The following PDE10A variants were observed in gnomAD, a reference collection of about 807,000 sequenced individuals.
The protein encoded by PDE10A is phosphodiesterase 10A.
PDE10A carries 39 observed loss-of-function variants against 97.7 expected under a neutral mutation model. That is an observed-to-expected ratio of 0.40 (90% CI 0.31 to 0.52). The LOEUF (loss-of-function observed/expected upper bound fraction) is 0.52. Ranked by LOEUF, PDE10A falls within the 20% of genes least tolerant of loss-of-function variation. The pLI, the probability that PDE10A is intolerant of heterozygous loss-of-function variation, is 0.56. For missense variants in PDE10A, 731 were observed against 1,047.8 expected, an observed-to-expected ratio of 0.70 and a Z score of 4.17; for synonymous variants, 371 against 376.8, an observed-to-expected ratio of 0.98 and a Z score of 0.18.
chr6:165,843,377 C>G (rs371054715), intron 1 of PDE10A, among the ~76,000 whole-genome samples: 2 of 152,326 alleles, frequency 1.3e-5, no homozygotes, highest in Admixed American at 6.5e-5. Context: ...AAGTTCCCTT[C>G]AGGAAGAGGG....
intron 1 of PDE10A, among the ~76,000 whole-genome samples, chr6:165,726,178 C>T (rs1487033372): frequency 6.6e-6 from 1 of 152,132 alleles, no homozygotes; most frequent in East Asian, 1.9e-4. Context: ...TTTCCGGGAG[C>T]AAGAGCTGAT....
intron 2 of PDE10A, among the ~76,000 whole-genome samples, chr6:165,527,751 A>C (rs1052325729): frequency 6.6e-6 from 1 of 152,226 alleles, no homozygotes; most frequent in Non-Finnish European, 1.5e-5. Context: ...CAAGTAAGTT[A>C]CATGAGGAAG....
At chr6:165,650,030 A>C (rs1789598874) in intron 1 of PDE10A, among the ~76,000 whole-genome samples, 1 of 152,158 alleles carries the variant, frequency 6.6e-6, no homozygotes, top group Admixed American at 6.5e-5. Flanking sequence ...TGATGCGTGC[A>C]ATTTTTTTAA....
intron 17 of PDE10A, among the ~76,000 whole-genome samples, chr6:165,382,284 T>C (rs916192946): frequency 1.3e-5 from 2 of 152,166 alleles, no homozygotes; most frequent in African/African-American, 2.4e-5. Context: ...ATCATAAGGA[T>C]CCTAAAGGCT....
At chr6:165,974,296 A>G (rs1735131982) in intron 1 of PDE10A, among the ~76,000 whole-genome samples, 1 of 152,228 alleles carries the variant, frequency 6.6e-6, no homozygotes, top group Non-Finnish European at 1.5e-5. Context: ...GCATGAAACA[A>G]ATCTCTTCTC....
intron 1 of PDE10A, among the ~76,000 whole-genome samples, chr6:165,717,834 T>C (rs1792063727): frequency 6.6e-6 from 1 of 152,154 alleles, no homozygotes; most frequent in Admixed American, 6.5e-5. Context: ...GGAGTGGTAA[T>C]GTCTGGGGAT....
chr6:165,491,321 G>A, intron 2 of PDE10A, among the ~76,000 whole-genome samples: 1 of 152,144 alleles, frequency 6.6e-6, no homozygotes. Context: ...TCCACTGACA[G>A]CACTAAACAG....
At chr6:165,542,685 CT>C (rs1783520627) in intron 2 of PDE10A, among the ~76,000 whole-genome samples, 1 of 130,172 alleles carries the variant, frequency 7.7e-6, no homozygotes, top group South Asian at 2.6e-4. Flanking sequence ...GTGGCGCGAT[CT>C]CGGCTCACTG....
chr6:165,648,164 C>T (rs1343828470), intron 1 of PDE10A, among the ~76,000 whole-genome samples: 5 of 152,132 alleles, frequency 3.3e-5, no homozygotes, highest in African/African-American at 4.8e-5. Context: ...AGGCGCCCAC[C>T]ACCACGCCCA....
intron 1 of PDE10A, among the ~76,000 whole-genome samples, chr6:165,918,121 C>T (rs1782657694): frequency 6.6e-6 from 1 of 152,260 alleles, no homozygotes; most frequent in Non-Finnish European, 1.5e-5. Context: ...ATTTGTTTAA[C>T]CGCAATGGTC....
At chr6:165,522,781 G>T (rs73247776) in intron 2 of PDE10A, among the ~76,000 whole-genome samples, 1,579 of 152,032 alleles carry the variant, frequency 0.01, 32 homozygotes, top group African/African-American at 0.036. Context: ...CAGAGCAACT[G>T]GGCAAGAGAA....
chr6:165,637,740 C>T (rs866002288), intron 1 of PDE10A, among the ~76,000 whole-genome samples: 1 of 152,142 alleles, frequency 6.6e-6, no homozygotes, highest in African/African-American at 2.4e-5. Flanking sequence ...CAAGTTTCCC[C>T]GGCACAGGCG....
chr6:165,811,614 C>T (rs999668669), intron 1 of PDE10A, among the ~76,000 whole-genome samples: 6 of 152,178 alleles, frequency 3.9e-5, no homozygotes, highest in East Asian at 1.9e-4. Flanking sequence ...AGACAGACTC[C>T]GGCCTCCCTG....
At chr6:165,393,852 A>C (rs1178826197) in intron 15 of PDE10A, among the ~76,000 whole-genome samples, 1 of 152,192 alleles carries the variant, frequency 6.6e-6, no homozygotes, top group East Asian at 1.9e-4. Flanking sequence ...GTTTACACTG[A>C]AAAGGATCAG....
chr6:165,564,011 G>A (rs954939627), intron 1 of PDE10A, among the ~76,000 whole-genome samples: 1 of 151,978 alleles, frequency 6.6e-6, no homozygotes, highest in Non-Finnish European at 1.5e-5. Flanking sequence ...ACTGATCATA[G>A]TATTCAAAGA....
At position 165,819,678 on chromosome 6, in the gene PDE10A, G is replaced by A. The variant is rs1324088662; in HGVS notation, c.-615+167851C>T. ...CGAAACCTTTGCCAAGGCTGTCAGT[G>A]TGCTGGATTTCACTGACTGTGCACC... On this transcript the variant is annotated intron_variant, in intron 1 of 19. Coordinates refer to the PDE10A transcript ENST00000366882. The surrounding 1 kb of genome is among the most constrained non-coding windows in gnomAD (Gnocchi z 4.2). 6.6e-6 allele frequency among the ~76,000 whole-genome samples: 1 copy of A among 152,190 alleles called. No homozygotes were observed. The highest frequency in any genetic ancestry group is 2.4e-5 in the African/African-American group (1 of 41,450).
At chr6:165,793,805 G>C (rs943460061) in intron 1 of PDE10A, among the ~76,000 whole-genome samples, 7 of 152,166 alleles carry the variant, frequency 4.6e-5, no homozygotes, top group Non-Finnish European at 8.8e-5. Flanking sequence ...AAAGATTTCT[G>C]CATCAAAATT....
intron 1 of PDE10A, among the ~76,000 whole-genome samples, chr6:165,854,957 G>A (rs1472264278): frequency 5.9e-5 from 9 of 152,172 alleles, no homozygotes; most frequent in African/African-American, 1.7e-4. Context: ...TGGAGAGGGA[G>A]GCCCAGTTTA....
chr6:165,862,549 A>G (rs1162413373), intron 1 of PDE10A, among the ~76,000 whole-genome samples: 1 of 152,232 alleles, frequency 6.6e-6, no homozygotes, highest in Non-Finnish European at 1.5e-5. Context: ...AGTCACAGAA[A>G]TTCACTACTG....
Sources: allele counts gnomAD v4.1 joint callset (sites outside exome capture counted in the v4.1 genomes callset), GRCh38; gene constraint gnomAD v4.1.1; non-coding constraint Gnocchi (gnomAD v3.1); transcripts MANE v1.5; gene names NCBI Gene and HGNC (gene_info 2026-07-23, HGNC 2026-07-21).